The following IGSF8 variants were observed in gnomAD, a reference collection of about 807,000 sequenced individuals.
IGSF8 encodes CD81 partner 3.
IGSF8 carries 46 observed loss-of-function variants against 55.5 expected under a neutral mutation model. That is an observed-to-expected ratio of 0.83 (90% CI 0.65 to 1.06). The LOEUF (loss-of-function observed/expected upper bound fraction) is 1.06. Among genes scored for constraint, IGSF8 ranks in the 50% least tolerant of loss-of-function variants. The pLI, the probability that IGSF8 is intolerant of heterozygous loss-of-function variation, is 0.00. For missense variants in IGSF8, 731 were observed against 832.3 expected (o/e 0.88, Z 1.50); for synonymous variants, 314 against 356.1 (o/e 0.88, Z 1.33).
Position 160,093,097 on chromosome 1 carries a change from G to A in IGSF8, c.1139C>T (p.Ala380Val). The A allele has an allele frequency of 1.2e-6, 2 of 1,613,994 alleles. No homozygotes were observed. The highest frequency in any genetic ancestry group is 1.7e-5 in the Admixed American group (1 of 60,012). The change falls in exon 4 of 7, where the codon GCC becomes GTC. Residue 380 changes from alanine (A) to valine (V), a missense_variant. By Grantham distance (64) the Ala-to-Val change is moderately conservative. Coordinates refer to ENST00000314485, the MANE Select transcript of IGSF8 (RefSeq NM_052868.6). The stretch of plus-strand genomic sequence containing the variant: ...TGTTCTGGATGCCACCTTCTCCATG[G>A]CAATGTGTCGGCCCTCATAGCCAGG... ...LGPGYEGRHI[A>V]MEKVASRTYR... is the part of the protein sequence containing the mutation.
intron 1 of IGSF8, chr1:160,098,082 G>A: frequency 1.5e-6 from 1 of 674,918 alleles, no homozygotes; most frequent in Non-Finnish European, 1.8e-6. Flanking sequence ...GGGGCAGAAA[G>A]GAGTCGCAGC....
rs35740609 is a variant in IGSF8 at position 160,093,741 on chromosome 1, G to A, written c.873C>T (p.Ala291=). The A allele has an allele frequency of 4.6e-3, 7,378 of 1,612,180 alleles. 299 individuals carry two copies. In the African/African-American group the frequency reaches 0.086, roughly 19 times the overall value. The change falls in exon 3 of 7, where the codon GCC becomes GCT. Residue 291 remains alanine (A), a synonymous_variant. Coordinates refer to ENST00000314485, the MANE Select transcript of IGSF8 (RefSeq NM_052868.6). ...GSWAQIAEKR[A]VLAHVDVQTL... ...TCTGCACATCCACGTGGGCCAGGACGGCCCTTTTCTCTGCAATCTGGGCCC... is the reference window on the plus strand; with the variant it reads ...TCTGCACATCCACGTGGGCCAGGACAGCCCTTTTCTCTGCAATCTGGGCCC...
In IGSF8 at chr1:160,095,087, G is replaced by A. The variant is rs185876164; in HGVS notation, c.224C>T (p.Ala75Val). The change falls in exon 2 of 7, where the codon GCA becomes GTA. Residue 75 changes from alanine (A) to valine (V), a missense_variant. Physicochemically the swap from Ala to Val is moderately conservative, Grantham distance 64. Coordinates refer to ENST00000314485, the MANE Select transcript of IGSF8 (RefSeq NM_052868.6). ...ATCCTTGGTACTGACAATGCCCAGTGCAGTATCTGGGGCCTCGGGCCTATA... is the reference window on the plus strand; with the variant it reads ...ATCCTTGGTACTGACAATGCCCAGTACAGTATCTGGGGCCTCGGGCCTATA... ...FLYRPEAPDTALGIVSTKDTQ... is the reference protein window; with the variant it reads ...FLYRPEAPDTVLGIVSTKDTQ... The A allele has an allele frequency of 8.1e-6, 13 of 1,614,136 alleles. No individual in the cohort carries two copies. The Admixed American group carries it at 2.0e-4, about 25-fold the overall frequency.
At position 160,093,201 on chromosome 1, in the gene IGSF8, C is replaced by T. The variant is rs911969808; in HGVS notation, c.1035G>A (p.Trp345Ter). ...AGRHAAYSVG[W>*]EMAPAGAPGP... ...CAGGTGCCCCCGCAGGTGCCATCTC[C>T]CAACCTACAGAGTATGCAGCATGAC... is the stretch of plus-strand genomic sequence containing the variant. The change falls in exon 4 of 7, where the codon TGG (tryptophan) becomes TGA (stop). Residue 345 changes from tryptophan (W) to a stop codon, truncating the protein, a stop_gained. Coordinates refer to ENST00000314485, the MANE Select transcript of IGSF8 (RefSeq NM_052868.6). LOFTEE classifies it high-confidence loss of function. 1 of 1,613,948 alleles carries T rather than the reference C, an allele frequency of 6.2e-7. No individual in the cohort carries two copies. The highest frequency in any genetic ancestry group is 8.5e-7 in the Non-Finnish European group (1 of 1,179,922).
chr1:160,098,296 C>G, intron 1 of IGSF8, 113 bp downstream of exon 1: 1 of 1,433,206 alleles, frequency 7.0e-7, no homozygotes, highest in Admixed American at 2.5e-5. Context: ...CCCGGGGAGG[C>G]TGGAGGTACC....
chr1:160,091,754 A>G (rs575252146), intron 6 of IGSF8, 54 bp downstream of exon 6: 200 of 1,140,408 alleles, frequency 1.8e-4, no homozygotes, highest in Admixed American at 3.2e-4. Context: ...TTGGTTCAGG[A>G]CTTGGGGGTG....
In IGSF8 at chr1:160,092,826, G is replaced by A. The variant is rs2101956406; in HGVS notation, c.1312+98C>T. ...TGGTAGAAGAGGAGCGTGAGGCTGTGGCCTGCAAACAGCTGACGGAGAGGG... is the reference window on the plus strand; with the variant it reads ...TGGTAGAAGAGGAGCGTGAGGCTGTAGCCTGCAAACAGCTGACGGAGAGGG... On this transcript the variant is annotated intron_variant, in intron 4 of 6. Transcript: ENST00000314485. The A allele has an allele frequency of 5.4e-6, 8 of 1,486,600 alleles. No homozygotes were observed. In the East Asian group the frequency reaches 1.4e-4, roughly 25 times the overall value. 92.1% of individuals were successfully genotyped at this position (1,486,600 alleles called of 1,614,324 possible).
chr1:160,097,318 T>C (rs1325608453), intron 1 of IGSF8, among the ~76,000 whole-genome samples: 1 of 152,076 alleles, frequency 6.6e-6, no homozygotes, highest in Non-Finnish European at 1.5e-5. Context: ...CCACAGCGCC[T>C]TCCTCTCTGT....
chr1:160,095,552 G>C (rs1431672287), intron 1 of IGSF8, among the ~76,000 whole-genome samples: 1 of 152,346 alleles, frequency 6.6e-6, no homozygotes, highest in Non-Finnish European at 1.5e-5. Flanking sequence ...ACCAGGCCTT[G>C]GTTCCAACTG....
chr1:160,092,955 G>A lies in IGSF8; in HGVS notation c.1281C>T (p.Ser427=). 1 of 1,607,972 alleles carries A rather than the reference G, an allele frequency of 6.2e-7. No homozygotes were observed. Among genetic ancestry groups the A allele is most frequent in the Non-Finnish European group, 8.5e-7 (1 of 1,175,040 alleles). Residue 427 remains serine (S), a synonymous_variant, in exon 4 of 7, where the codon TCC becomes TCT. Transcript: ENST00000314485. Reference sequence around the variant, plus strand: ...CCCGCACATGTACAGGGAGAGGCCGGGAACGGGCACTGGCTGCTTCACGAA... The same window carrying A: ...CCCGCACATGTACAGGGAGAGGCCGAGAACGGGCACTGGCTGCTTCACGAA... ...TRLREAASAR[S]RPLPVHVREE...
At position 160,093,162 on chromosome 1, in the gene IGSF8, C is replaced by G. The variant is rs544252830; in HGVS notation, c.1074G>C (p.Leu358=). 1 of 1,613,590 alleles carries G rather than the reference C, an allele frequency of 6.2e-7. No homozygotes were observed. The highest frequency in any genetic ancestry group is 8.5e-7 in the Non-Finnish European group (1 of 1,179,766). Residue 358 remains leucine, a synonymous_variant, in exon 4 of 7, where the codon CTG becomes CTC. Transcript: ENST00000314485. The part of the protein sequence containing the change: ...APAGAPGPGR[L]VAQLDTEGVG... ...CACCCTCTGTGTCCAGCTGGGCTAC[C>G]AGGCGGCCGGGCCCAGGTGCCCCCG...
In IGSF8 at chr1:160,098,389, G is replaced by C. The variant is rs986952921; in HGVS notation, c.64+20C>G. On this transcript the variant is annotated intron_variant, in intron 1 of 6. Coordinates refer to ENST00000314485, the MANE Select transcript of IGSF8 (RefSeq NM_052868.6). The stretch of plus-strand genomic sequence containing the variant: ...CACCTGCCCGGCAGGGCCGGGAACC[G>C]GAACGGGGGCCTGGCTTACCTAGCA... The C allele has an allele frequency of 1.2e-5, 19 of 1,551,240 alleles. No individual in the cohort carries two copies. The highest frequency in any genetic ancestry group is 1.7e-5 in the Non-Finnish European group (19 of 1,146,302).
chr1:160,091,821 G>A lies in IGSF8; in HGVS notation c.*2C>T. The A allele has an allele frequency of 6.2e-7, 1 of 1,606,930 alleles. No homozygotes were observed. The highest frequency in any genetic ancestry group is 8.5e-7 in the Non-Finnish European group (1 of 1,173,464). On this transcript the variant is annotated 3_prime_UTR_variant, in exon 6 of 7. Transcript: ENST00000314485. ...CTTTTCCCTCACCTGGGGAGTAAGG[G>A]ATCACCGTTTTCGAAGCCTCTTCAT...
intron 1 of IGSF8, among the ~76,000 whole-genome samples, chr1:160,095,989 A>T (rs1052760432): frequency 6.6e-6 from 1 of 152,216 alleles, no homozygotes; most frequent in African/African-American, 2.4e-5. Flanking sequence ...TGCCTGCCCC[A>T]GTTCCTTAAC....
In IGSF8 at chr1:160,095,228, C is replaced by A. The variant is rs1436974059; in HGVS notation, c.83G>T (p.Arg28Leu). Residue 28 changes from arginine (R) to leucine (L), a missense_variant, in exon 2 of 7, where the codon CGG (arginine) becomes CTG (leucine). By Grantham distance (102) the Arg-to-Leu change is moderately radical (BLOSUM62 -2). Transcript: ENST00000314485. The part of the protein sequence containing the change: ...LLMLGMGCWA[R>L]EVLVPEGPLY... Reference sequence around the variant, plus strand: ...GGGCCCCTCGGGGACCAGCACCTCCCGGGCCCAGCATCCCATTCCTGTAGG... The same window carrying A: ...GGGCCCCTCGGGGACCAGCACCTCCAGGGCCCAGCATCCCATTCCTGTAGG... The A allele has an allele frequency of 3.1e-6, 5 of 1,602,862 alleles. No homozygotes were observed. The highest frequency in any genetic ancestry group is 4.2e-6 in the Non-Finnish European group (5 of 1,179,376).
upstream of IGSF8, chr1:160,098,768 C>T (rs1426247652): frequency 2.9e-6 from 1 of 339,268 alleles, no homozygotes; most frequent in Non-Finnish European, 5.3e-6. Context: ...GCCTGCCCCA[C>T]CCCCGCCAGA....
At position 160,093,977 on chromosome 1, in the gene IGSF8, G is replaced by A. The variant is rs748825158; in HGVS notation, c.637C>T (p.Arg213Trp). Residue 213 changes from arginine (R) to tryptophan (W), a missense_variant, in exon 3 of 7, where the codon CGG becomes TGG. Physicochemically the swap from Arg to Trp is moderately radical, Grantham distance 101. Transcript: ENST00000314485. ...GRSVPEAPVG[R>W]STLQEVVGIR... ...CCCACCACTTCCTGCAGAGTTGACC[G>A]CCCAACTGGTGCCTCGGGCACAGAT... The A allele has an allele frequency of 8.1e-6, 13 of 1,614,096 alleles. No homozygotes were observed. Among genetic ancestry groups the A allele is most frequent in the African/African-American group, 8.0e-5 (6 of 74,944 alleles).
At position 160,091,510 on chromosome 1, in the gene IGSF8, T is replaced by G. The variant is rs1570950288; in HGVS notation, c.*114A>C. 4 of 318,224 alleles carry G rather than the reference T, an allele frequency of 1.3e-5. No homozygotes were observed. The highest frequency in any genetic ancestry group is 8.3e-5 in the South Asian group (2 of 24,082). The allele number at this position is 318,224 out of a possible 1,614,324, so 19.7% of individuals were successfully genotyped here. The stretch of plus-strand genomic sequence containing the variant: ...GTCTCCCATTCTGGGTAGTGGGAGG[T>G]CAAATAAATTAAAGGAAGAGTGGAC... On this transcript the variant is annotated 3_prime_UTR_variant, in exon 7 of 7. Transcript: ENST00000314485.
rs759832411 is a variant in IGSF8, at chr1:160,092,976, A to C, written c.1260T>G (p.Arg420=). The change falls in exon 4 of 7, where the codon CGT becomes CGG. Residue 420 remains arginine, a synonymous_variant. Coordinates refer to ENST00000314485, the MANE Select transcript of IGSF8 (RefSeq NM_052868.6). ...AYVRGSGTRL[R]EAASARSRPL... ...GCCGGGAACGGGCACTGGCTGCTTC[A>C]CGAAGCCGGGTCCCAGACCCTCGAA... 6.2e-7 allele frequency: 1 copy of C among 1,611,230 alleles called. No individual in the cohort carries two copies. Among genetic ancestry groups the C allele is most frequent in the Non-Finnish European group, 8.5e-7 (1 of 1,177,644 alleles).
Sources: allele counts gnomAD v4.1 joint callset (sites outside exome capture counted in the v4.1 genomes callset), GRCh38; gene constraint gnomAD v4.1.1; transcripts MANE v1.5; gene names NCBI Gene and HGNC (gene_info 2026-07-23, HGNC 2026-07-21).